The following PAM variants were observed in gnomAD, a reference collection of about 807,000 sequenced individuals.
PAM encodes the protein peptidylglycine alpha-amidating monooxygenase, also known as peptidyl-glycine alpha-amidating monooxygenase.
A neutral mutation model predicts 122.1 loss-of-function variants in PAM; 72 were observed. That is an observed-to-expected ratio of 0.59 (90% CI 0.49 to 0.72). The LOEUF (loss-of-function observed/expected upper bound fraction) is 0.72, where lower values mean the gene tolerates loss of function less well. PAM is among the 30% of genes least tolerant of loss of function. The probability of loss-of-function intolerance (pLI) is 0.00; values close to 1 mark genes in which losing one functional copy is unlikely to be tolerated. For synonymous variants in PAM, 389 were observed against 404.4 expected, an observed-to-expected ratio of 0.96 and a Z score of 0.46; for missense variants, 1,106 against 1,183.7, an observed-to-expected ratio of 0.93 and a Z score of 0.96.
intron 1 of PAM, among the ~76,000 whole-genome samples, chr5:102,758,344 C>A (rs1034516798): frequency 6.6e-6 from 1 of 151,974 alleles, no homozygotes; most frequent in Admixed American, 6.6e-5. Flanking sequence ...GCCTGAGGGA[C>A]ATAATGTTAA....
chr5:102,988,622 G>C (rs1490151846), intron 15 of PAM, among the ~76,000 whole-genome samples: 3 of 134,648 alleles, frequency 2.2e-5, no homozygotes, highest in Non-Finnish European at 4.6e-5. Context: ...GGAAAGGAAA[G>C]GAAAGGGAAA....
intron 1 of PAM, among the ~76,000 whole-genome samples, chr5:102,760,325 A>G (rs1751945990): frequency 6.6e-6 from 1 of 152,076 alleles, no homozygotes; most frequent in Non-Finnish European, 1.5e-5. Flanking sequence ...TGCTACTGAT[A>G]TTTTTGTGAG....
rs187841833 is a variant in PAM at position 102,890,991 on chromosome 5, A to G, written c.211-10365A>G. 1.4e-4 allele frequency among the ~76,000 whole-genome samples: 22 copies of G among 151,990 alleles called. No homozygotes were observed. In the East Asian group the frequency reaches 4.3e-3, roughly 30 times the overall value. Reference sequence around the variant, plus strand: ...TCTTGAATTATTAATATTATCTTTGAATGGAAGTTGCAAAATTGCAGTGGG... The same window carrying G: ...TCTTGAATTATTAATATTATCTTTGGATGGAAGTTGCAAAATTGCAGTGGG... On this transcript the variant is annotated intron_variant, in intron 3 of 25. Coordinates refer to ENST00000438793, the MANE Select transcript of PAM (RefSeq NM_001177306.2).
chr5:102,973,188 T>C (rs1224808853), intron 14 of PAM, among the ~76,000 whole-genome samples: 1 of 152,210 alleles, frequency 6.6e-6, no homozygotes, highest in Non-Finnish European at 1.5e-5. Flanking sequence ...GAACTGGTGG[T>C]TGCCCTTGGG....
At chr5:102,809,955 A>C (rs1488005021) in intron 1 of PAM, among the ~76,000 whole-genome samples, 2 of 152,220 alleles carry the variant, frequency 1.3e-5, no homozygotes, top group African/African-American at 2.4e-5. Context: ...GAAGTAGGAA[A>C]AATTATGATA....
intron 1 of PAM, among the ~76,000 whole-genome samples, chr5:102,767,216 A>G (rs971469629): frequency 7.3e-5 from 11 of 151,648 alleles, no homozygotes; most frequent in African/African-American, 2.7e-4. Context: ...TTTTCTCATC[A>G]GTTTTCATTT....
At chr5:102,897,144 G>C (rs1796435669) in intron 3 of PAM, among the ~76,000 whole-genome samples, 1 of 151,614 alleles carries the variant, frequency 6.6e-6, no homozygotes, top group Admixed American at 6.6e-5. Context: ...TGGATGGGTA[G>C]AACTACCAAC....
intron 22 of PAM, among the ~76,000 whole-genome samples, chr5:103,018,631 C>A (rs1368126243): frequency 2.6e-5 from 4 of 152,060 alleles, no homozygotes; most frequent in Non-Finnish European, 4.4e-5. Context: ...AGATGGATAA[C>A]CCCCAACTGC....
intron 7 of PAM, among the ~76,000 whole-genome samples, chr5:102,926,978 C>A (rs1041025695): frequency 6.6e-6 from 1 of 152,064 alleles, no homozygotes; most frequent in Non-Finnish European, 1.5e-5. Context: ...TCATTCCAAG[C>A]AACACTGTTG....
At position 102,929,976 on chromosome 5, in the gene PAM, G is replaced by T. The variant is rs545851680; in HGVS notation, c.526+3308G>T. Among the ~76,000 whole-genome samples the T allele has an allele frequency of 5.9e-5, 9 of 152,008 alleles. 1 individual carries two copies. In the East Asian group the frequency reaches 1.7e-3, roughly 29 times the overall value. ...TGTGGCCCAGGAAAGCCAAAAGATT[G>T]GACCATCCCTGTTTTAGACTGTGAT... On this transcript the variant is annotated intron_variant, in intron 7 of 25. Transcript: ENST00000438793.
rs77661865 is a variant in PAM at position 102,957,808 on chromosome 5, G to A, written c.906-2067G>A. On this transcript the variant is annotated intron_variant, in intron 12 of 25. Transcript: ENST00000438793. ...CTCCCAAAGTGCTGGGATTACAGGC[G>A]TGAGCCATCGTGCCCGGCAGGCCAT... is the stretch of plus-strand genomic sequence containing the variant. 7.2e-3 allele frequency among the ~76,000 whole-genome samples: 1,091 copies of A among 152,216 alleles called. 12 individuals carry two copies. The highest frequency in any genetic ancestry group is 0.024 in the African/African-American group (991 of 41,546).
At chr5:102,901,268 A>T in intron 3 of PAM, 88 bp from the exon 4 acceptor site, 1 of 743,380 alleles carries the variant, frequency 1.3e-6, no homozygotes, top group Non-Finnish European at 2.3e-6. Context: ...ACTACTTTTT[A>T]CAGTCATAGA....
At chr5:102,965,547 T>C (rs1056157076) in intron 14 of PAM, among the ~76,000 whole-genome samples, 4 of 152,018 alleles carry the variant, frequency 2.6e-5, no homozygotes, top group African/African-American at 7.2e-5. Flanking sequence ...AATAACAGTA[T>C]GTCCTTGTTA....
chr5:102,780,835 CTCTG>C (rs1758731717), intron 1 of PAM, among the ~76,000 whole-genome samples: 1 of 113,758 alleles, frequency 8.8e-6, no homozygotes, highest in Admixed American at 9.9e-5. Context: ...TTCTTTCTTT[CTCTG>C]TCTTTCTCTC....
chr5:102,931,763 C>G (rs1287687516), intron 7 of PAM, among the ~76,000 whole-genome samples: 3 of 151,994 alleles, frequency 2.0e-5, no homozygotes. Context: ...AAGCTCTTGG[C>G]GCATATGGGA....
intron 7 of PAM, 123 bp from the exon 8 acceptor site, chr5:102,946,714 C>T (rs1003196169): frequency 7.5e-6 from 5 of 667,234 alleles, no homozygotes; most frequent in Non-Finnish European, 1.3e-5. Flanking sequence ...CATAAAGAAC[C>T]ATACAGATGA....
chr5:102,877,410 A>T (rs1019639152), intron 3 of PAM, among the ~76,000 whole-genome samples: 2 of 152,354 alleles, frequency 1.3e-5, no homozygotes, highest in Admixed American at 6.5e-5. Flanking sequence ...CAGGACTGCA[A>T]TCATAATTTT....
In PAM at chr5:103,003,077, C is replaced by A. The variant is rs751621944; in HGVS notation, c.1658C>A (p.Pro553Gln). ...KFVYQQIGLG[P>Q]IEEDTILVID... The stretch of plus-strand genomic sequence containing the variant: ...GTTTACCAGCAAATAGGACTCGGAC[C>A]AATTGAAGAAGACACTATTCTTGTC... The change falls in exon 17 of 26, where the codon CCA becomes CAA. Residue 553 changes from proline to glutamine, a missense_variant. Physicochemically the swap from Pro to Gln is moderately conservative, Grantham distance 76. This residue lies in a region of PAM where 670 missense variants were observed against 690.3 expected (regional missense o/e 0.97). Coordinates refer to ENST00000438793, the MANE Select transcript of PAM (RefSeq NM_001177306.2). 6.2e-7 allele frequency: 1 copy of A among 1,608,478 alleles called. No homozygotes were observed. Among genetic ancestry groups the A allele is most frequent in the Non-Finnish European group, 8.5e-7 (1 of 1,175,098 alleles).
At chr5:102,848,547 T>G (rs58593363) in intron 1 of PAM, among the ~76,000 whole-genome samples, 17,111 of 152,202 alleles carry the variant, frequency 0.11, 2,242 homozygotes, top group African/African-American at 0.32. Context: ...CAGACAGCTT[T>G]TTAGTGTCTC....
Sources: gnomAD v4.1 joint callset for allele counts (sites outside exome capture counted in the v4.1 genomes callset) on GRCh38, gnomAD v4.1.1 for gene constraint, gnomAD v4.1.1 regional missense constraint, MANE v1.5 for transcripts, NCBI Gene and HGNC (gene_info 2026-07-23, HGNC 2026-07-21) for gene names.